AGBL4: variants seen among roughly 807,000 people sequenced by gnomAD.
AGBL4 encodes AGBL carboxypeptidase 4.
AGBL4 carries 58 observed loss-of-function variants against 66.4 expected under a neutral mutation model. The ratio of observed to expected loss-of-function variants is 0.87; its 90% confidence interval spans 0.71 to 1.09. The LOEUF (loss-of-function observed/expected upper bound fraction) is 1.09, where lower values mean the gene tolerates loss of function less well. Among genes scored for constraint, AGBL4 ranks in the 50% least tolerant of loss-of-function variants. The probability of loss-of-function intolerance (pLI) is 0.00; values close to 1 mark genes in which losing one functional copy is unlikely to be tolerated. For missense variants in AGBL4, 579 were observed against 631.0 expected (o/e 0.92, Z 0.88); for synonymous variants, 234 against 222.9 (o/e 1.05, Z -0.44).
intron 3 of AGBL4, among the ~76,000 whole-genome samples, chr1:49,425,576 A>T (rs1645638516): frequency 6.6e-6 from 1 of 152,168 alleles, no homozygotes; most frequent in African/African-American, 2.4e-5. Context: ...TTTGTAATAC[A>T]TATATTTTTG....
intron 6 of AGBL4, among the ~76,000 whole-genome samples, chr1:48,679,680 G>C (rs1646423451): frequency 6.6e-6 from 1 of 152,214 alleles, no homozygotes; most frequent in African/African-American, 2.4e-5. Flanking sequence ...GATAAGCCAG[G>C]ATTTGATCTC....
intron 1 of AGBL4, among the ~76,000 whole-genome samples, chr1:49,860,929 A>G (rs537606063): frequency 1.3e-5 from 2 of 152,310 alleles, no homozygotes; most frequent in South Asian, 4.1e-4. Context: ...GTCCTGAATC[A>G]CCAATGCGAC....
At chr1:49,242,288 A>T (rs1651298513) in intron 4 of AGBL4, among the ~76,000 whole-genome samples, 1 of 152,050 alleles carries the variant, frequency 6.6e-6, no homozygotes, top group South Asian at 2.1e-4. Flanking sequence ...CAGCTAGTCC[A>T]ATCTTTTCAA....
chr1:48,583,174 A>AAACACAGATGAC (rs1644765477), intron 11 of AGBL4, among the ~76,000 whole-genome samples: 1 of 152,140 alleles, frequency 6.6e-6, no homozygotes, highest in Admixed American at 6.5e-5. Context: ...TGATGACCCC[A>AAACACAGATGAC]CCAATGCTCT....
At chr1:49,678,303 G>T (rs752829262) in intron 3 of AGBL4, among the ~76,000 whole-genome samples, 3 of 151,932 alleles carry the variant, frequency 2.0e-5, no homozygotes, top group Non-Finnish European at 4.4e-5. Flanking sequence ...GTCTATGGTG[G>T]TATCTCCTAT....
intron 9 of AGBL4, among the ~76,000 whole-genome samples, chr1:48,623,528 A>G (rs1253032801): frequency 6.6e-6 from 1 of 152,250 alleles, no homozygotes; most frequent in Non-Finnish European, 1.5e-5. Flanking sequence ...ACAGTAAATA[A>G]TGGACAAATT....
At chr1:49,704,188 C>G (rs74709150) in intron 2 of AGBL4, among the ~76,000 whole-genome samples, 1 of 151,798 alleles carries the variant, frequency 6.6e-6, no homozygotes, top group South Asian at 2.1e-4. Context: ...CTACATTGTA[C>G]GCAAAAATGT....
intron 3 of AGBL4, among the ~76,000 whole-genome samples, chr1:49,268,893 C>T (rs1643991156): frequency 6.6e-6 from 1 of 152,170 alleles, no homozygotes; most frequent in South Asian, 2.1e-4. Context: ...TATCCATATT[C>T]TTTATACTAT....
At chr1:49,535,741 G>T (rs1362379474) in intron 3 of AGBL4, among the ~76,000 whole-genome samples, 1 of 152,132 alleles carries the variant, frequency 6.6e-6, no homozygotes, top group Non-Finnish European at 1.5e-5. Flanking sequence ...CTCCAGGCTG[G>T]AGTGCCGTGG....
intron 6 of AGBL4, among the ~76,000 whole-genome samples, chr1:48,776,444 A>G (rs561445500): frequency 2.0e-5 from 3 of 152,324 alleles, no homozygotes; most frequent in Non-Finnish European, 2.9e-5. Context: ...CTGGCCTCTT[A>G]GAGACACCCC....
intron 3 of AGBL4, among the ~76,000 whole-genome samples, chr1:49,620,980 A>G (rs1243331702): frequency 6.6e-6 from 1 of 152,144 alleles, no homozygotes; most frequent in Non-Finnish European, 1.5e-5. Flanking sequence ...AGTTTGGACA[A>G]CCCATTATTT....
At chr1:48,848,824 C>T (rs144172993) in intron 6 of AGBL4, among the ~76,000 whole-genome samples, 120 of 152,272 alleles carry the variant, frequency 7.9e-4, no homozygotes, top group Middle Eastern at 3.4e-3. Context: ...TCAATGGAGC[C>T]GCACAGACCT....
intron 5 of AGBL4, among the ~76,000 whole-genome samples, chr1:48,983,723 G>C (rs542264504): frequency 6.6e-6 from 1 of 152,148 alleles, no homozygotes; most frequent in East Asian, 1.9e-4. Context: ...GTGAGTCCCT[G>C]GGCAAATTAA....
At chr1:49,940,196 G>GA (rs1654594298) in intron 1 of AGBL4, among the ~76,000 whole-genome samples, 1 of 152,126 alleles carries the variant, frequency 6.6e-6, no homozygotes. Context: ...AAAAAGTCAG[G>GA]AAACAACAGG....
At chr1:49,241,468 G>C (rs959780837) in intron 4 of AGBL4, among the ~76,000 whole-genome samples, 3 of 151,942 alleles carry the variant, frequency 2.0e-5, no homozygotes, top group African/African-American at 7.3e-5. Flanking sequence ...CTTATCCTTG[G>C]TGTATATGAA....
intron 5 of AGBL4, among the ~76,000 whole-genome samples, chr1:48,991,172 T>C (rs556212455): frequency 1.3e-5 from 2 of 152,346 alleles, no homozygotes; most frequent in African/African-American, 4.8e-5. Flanking sequence ...GATGAAATCC[T>C]TCAGCTTTTG....
intron 3 of AGBL4, 88 bp downstream of exon 3, chr1:49,697,219 CTTAATA>C: frequency 7.5e-7 from 1 of 1,333,538 alleles, no homozygotes; most frequent in Non-Finnish European, 1.0e-6. Context: ...AGAATATATT[CTTAATA>C]TAGTCATTAT....
chr1:49,596,313 G>A (rs984318986), intron 3 of AGBL4, among the ~76,000 whole-genome samples: 24 of 152,058 alleles, frequency 1.6e-4, no homozygotes, highest in African/African-American at 5.8e-4. Flanking sequence ...GGTTACAGGC[G>A]TGCACACCAC....
At chr1:49,346,349 G>A (rs1032983515) in intron 3 of AGBL4, among the ~76,000 whole-genome samples, 1 of 152,172 alleles carries the variant, frequency 6.6e-6, no homozygotes, top group Non-Finnish European at 1.5e-5. Context: ...AGAGGGATAA[G>A]TAGCATAAAA....
Sources: allele counts gnomAD v4.1 joint callset (sites outside exome capture counted in the v4.1 genomes callset), GRCh38; gene constraint gnomAD v4.1.1; transcripts MANE v1.5; gene names NCBI Gene and HGNC (gene_info 2026-07-23, HGNC 2026-07-21).